KCNQ3: variants seen among roughly 807,000 people sequenced by gnomAD.
KCNQ3 encodes potassium voltage-gated channel subfamily Q member 3.
A neutral mutation model predicts 92.5 loss-of-function variants in KCNQ3; 30 were observed. That is an observed-to-expected ratio of 0.32 (90% CI 0.24 to 0.44). The LOEUF is 0.44. Among genes scored for constraint, KCNQ3 ranks in the 20% least tolerant of loss-of-function variants. The pLI, the probability that KCNQ3 is intolerant of heterozygous loss-of-function variation, is 1.00. For missense variants in KCNQ3, 913 were observed against 1,140.3 expected, an observed-to-expected ratio of 0.80 and a Z score of 2.87; for synonymous variants, 450 against 468.8, an observed-to-expected ratio of 0.96 and a Z score of 0.52.
intron 1 of KCNQ3, among the ~76,000 whole-genome samples, chr8:132,192,079 G>A (rs1388254927): frequency 6.6e-6 from 1 of 152,158 alleles, no homozygotes; most frequent in East Asian, 1.9e-4. Flanking sequence ...CTCTCTTTCA[G>A]CTCTCGTTGT....
At chr8:132,432,957 A>G (rs896577060) in intron 1 of KCNQ3, among the ~76,000 whole-genome samples, 8 of 152,218 alleles carry the variant, frequency 5.3e-5, no homozygotes, top group Non-Finnish European at 1.5e-5. Context: ...CACGGCAACT[A>G]CATAACGCCA....
At chr8:132,269,604 T>C (rs1816091247) in intron 1 of KCNQ3, among the ~76,000 whole-genome samples, 1 of 151,820 alleles carries the variant, frequency 6.6e-6, no homozygotes, top group South Asian at 2.1e-4. Flanking sequence ...TTGTCACTCA[T>C]GAGCATTGAA....
At chr8:132,186,989 A>C (rs1274278292) in intron 1 of KCNQ3, among the ~76,000 whole-genome samples, 1 of 146,030 alleles carries the variant, frequency 6.8e-6, no homozygotes, top group Non-Finnish European at 1.5e-5. Context: ...AGAGAGAGAG[A>C]GTGAGAGACA....
chr8:132,318,674 T>C (rs1394322698), intron 1 of KCNQ3, among the ~76,000 whole-genome samples: 13 of 152,180 alleles, frequency 8.5e-5, no homozygotes, highest in Non-Finnish European at 2.9e-5. Context: ...GTTTAGTGTG[T>C]TTGGGGTGCC....
intron 1 of KCNQ3, among the ~76,000 whole-genome samples, chr8:132,240,854 T>C (rs573120941): frequency 6.6e-6 from 1 of 152,134 alleles, no homozygotes; most frequent in Admixed American, 6.6e-5. Flanking sequence ...TGTTAACTCC[T>C]TTAATTCTCA....
At chr8:132,422,692 G>A (rs986654967) in intron 1 of KCNQ3, among the ~76,000 whole-genome samples, 7 of 152,130 alleles carry the variant, frequency 4.6e-5, no homozygotes, top group African/African-American at 1.4e-4. Flanking sequence ...CTCCTCCCAC[G>A]ACTCTCCATA....
intron 1 of KCNQ3, among the ~76,000 whole-genome samples, chr8:132,293,436 C>G (rs1440308799): frequency 6.6e-6 from 1 of 152,054 alleles, no homozygotes; most frequent in East Asian, 1.9e-4. Flanking sequence ...GCCTGGTGTA[C>G]AGTGAAAAAC....
chr8:132,199,221 G>T (rs1156340195), intron 1 of KCNQ3, among the ~76,000 whole-genome samples: 1 of 152,060 alleles, frequency 6.6e-6, no homozygotes. Flanking sequence ...TACTTTAAAG[G>T]ATTAAAAACT....
chr8:132,326,597 A>G (rs1302048722), intron 1 of KCNQ3, among the ~76,000 whole-genome samples: 1 of 152,192 alleles, frequency 6.6e-6, no homozygotes. Context: ...TCCTGATAAA[A>G]GAGCTCTAGG....
intron 1 of KCNQ3, among the ~76,000 whole-genome samples, chr8:132,257,577 C>T (rs1197227411): frequency 6.6e-6 from 1 of 151,636 alleles, no homozygotes; most frequent in Admixed American, 6.6e-5. Flanking sequence ...AACCCCATCT[C>T]TACTAAAAAA....
chr8:132,255,126 T>A (rs1373056138), intron 1 of KCNQ3, among the ~76,000 whole-genome samples: 1 of 151,640 alleles, frequency 6.6e-6, no homozygotes, highest in Non-Finnish European at 1.5e-5. Context: ...CCCCACCTCA[T>A]GATAGCCTTA....
At chr8:132,360,737 G>A (rs1043509722) in intron 1 of KCNQ3, among the ~76,000 whole-genome samples, 3 of 152,108 alleles carry the variant, frequency 2.0e-5, no homozygotes, top group Admixed American at 6.5e-5. Flanking sequence ...TAATGTTCAC[G>A]GTCCATACCT....
chr8:132,248,942 A>G (rs1815288552), intron 1 of KCNQ3, among the ~76,000 whole-genome samples: 1 of 152,204 alleles, frequency 6.6e-6, no homozygotes. Context: ...ACTGACTTCA[A>G]GAATGAAGCC....
At chr8:132,170,886 G>A (rs1370095142) in intron 7 of KCNQ3, among the ~76,000 whole-genome samples, 1 of 151,710 alleles carries the variant, frequency 6.6e-6, no homozygotes, top group Non-Finnish European at 1.5e-5. Flanking sequence ...GGGCTTGGTG[G>A]CACGTGCCTG....
In KCNQ3 at chr8:132,142,675, G is replaced by A. The variant is rs62519561; in HGVS notation, c.1263-1344C>T. 2.4e-3 allele frequency among the ~76,000 whole-genome samples: 363 copies of A among 152,308 alleles called. 1 individual carries two copies. Among genetic ancestry groups the A allele is most frequent in the Non-Finnish European group, 4.2e-3 (288 of 68,038 alleles). ...ACAGGAGGCATTCCCTCATGTACTT[G>A]TGAAATAAATGAGAGAGTGAATGAA... is the stretch of plus-strand genomic sequence containing the variant. On this transcript the variant is annotated intron_variant, in intron 9 of 14. Transcript: ENST00000388996.
At position 132,124,982 on chromosome 8, in the gene KCNQ3, A is replaced by AGAG. The variant is rs1414102443; in HGVS notation, c.*4277_*4279dup. On this transcript the variant is annotated 3_prime_UTR_variant, in exon 15 of 15. Coordinates refer to ENST00000388996, the MANE Select transcript of KCNQ3 (RefSeq NM_004519.4). Reference sequence around the variant, plus strand: ...ATTTGATCTGCAGGTTCCCATAAGTAGAGTAACATCTTTCTCTTGAAATAG... The same window carrying AGAG: ...ATTTGATCTGCAGGTTCCCATAAGTAGAGGAGTAACATCTTTCTCTTGAAATAG... 1 of 152,236 alleles carries AGAG rather than the reference A, an allele frequency of 6.6e-6. No individual in the cohort carries two copies. Among genetic ancestry groups the AGAG allele is most frequent in the African/African-American group, 2.4e-5 (1 of 41,460 alleles). 9.4% of individuals were successfully genotyped at this position (152,236 alleles called of 1,614,324 possible).
chr8:132,480,724 G>T lies in KCNQ3; in HGVS notation c.-192C>A. ...CCCCCTGGGGGGCAGGGGAGGCCAGGCAGGGGGTCAGGGGGTCACATCCCG... is the reference window on the plus strand; with the variant it reads ...CCCCCTGGGGGGCAGGGGAGGCCAGTCAGGGGGTCAGGGGGTCACATCCCG... On this transcript the variant is annotated 5_prime_UTR_variant, in exon 1 of 15. Transcript: ENST00000388996. The T allele has an allele frequency of 2.2e-6, 1 of 457,532 alleles. No individual in the cohort carries two copies. Among genetic ancestry groups the T allele is most frequent in the Non-Finnish European group, 2.9e-6 (1 of 345,180 alleles). 28.3% of individuals were successfully genotyped at this position (457,532 alleles called of 1,614,324 possible).
Position 132,383,032 on chromosome 8 carries a change from C to T in KCNQ3, c.386+97115G>A, listed in dbSNP as rs564227867. 2.0e-5 allele frequency among the ~76,000 whole-genome samples: 3 copies of T among 152,282 alleles called. No individual in the cohort carries two copies. In the East Asian group the frequency reaches 5.8e-4, roughly 29 times the overall value. On this transcript the variant is annotated intron_variant, in intron 1 of 14. Transcript: ENST00000388996. Reference sequence around the variant, plus strand: ...CTCACAGCATCATCATGAGAAGTACCTAATTCTTCCTAAAACTCTCTCATT... The same window carrying T: ...CTCACAGCATCATCATGAGAAGTACTTAATTCTTCCTAAAACTCTCTCATT...
intron 1 of KCNQ3, among the ~76,000 whole-genome samples, chr8:132,419,723 T>C (rs1563904637): frequency 6.6e-6 from 1 of 152,232 alleles, no homozygotes; most frequent in African/African-American, 2.4e-5. Flanking sequence ...ATGGTCAATA[T>C]TATTAGCCCA....
Sources: allele counts gnomAD v4.1 joint callset (sites outside exome capture counted in the v4.1 genomes callset), GRCh38; gene constraint gnomAD v4.1.1; transcripts MANE v1.5; gene names NCBI Gene and HGNC (gene_info 2026-07-23, HGNC 2026-07-21).